Variants in CADPS observed in about 807,000 individuals in gnomAD.
The protein encoded by CADPS is calcium dependent secretion activator.
A neutral mutation model predicts 167.3 loss-of-function variants in CADPS; 57 were observed. The ratio of observed to expected loss-of-function variants is 0.34; its 90% confidence interval spans 0.28 to 0.42. The LOEUF is 0.42. Ranked by LOEUF, CADPS falls within the 20% of genes least tolerant of loss-of-function variation. The pLI is 1.00. For missense variants in CADPS, 1,414 were observed against 1,738.1 expected (o/e 0.81, Z 3.32); for synonymous variants, 676 against 635.3 (o/e 1.06, Z -0.96).
chr3:62,642,353 G>C (rs2067600127), intron 6 of CADPS, among the ~76,000 whole-genome samples: 1 of 152,310 alleles, frequency 6.6e-6, no homozygotes, highest in Middle Eastern at 3.4e-3. Flanking sequence ...GGCTAAGCTT[G>C]TCAGAGGATG....
chr3:62,583,975 C>G (rs2148571948), intron 8 of CADPS, among the ~76,000 whole-genome samples: 1 of 151,674 alleles, frequency 6.6e-6, no homozygotes, highest in South Asian at 2.1e-4. Flanking sequence ...TTGTGAATTC[C>G]CCAAACCTCT....
At chr3:62,833,183 T>C (rs1055798605) in intron 1 of CADPS, among the ~76,000 whole-genome samples, 1 of 151,956 alleles carries the variant, frequency 6.6e-6, no homozygotes, top group African/African-American at 2.4e-5. Flanking sequence ...GAGACAAGAT[T>C]TTGCTCTATT....
chr3:62,544,946 C>T lies in CADPS; in HGVS notation c.1966+4957G>A, dbSNP rs149440880. On this transcript the variant is annotated intron_variant, in intron 11 of 29. Transcript: ENST00000383710. This position sits in a 1 kb window ranked among gnomAD's most constrained non-coding sequence, Gnocchi z 4.4. The stretch of plus-strand genomic sequence containing the variant: ...CAGGAAAGCAGACAGGAGTTCTAAC[C>T]TAGCAGCCTAAGTTCTTGGGTTCGA... The T allele has an allele frequency of 3.1e-3, 2,203 of 721,746 alleles. 2 individuals carry two copies. The highest frequency in any genetic ancestry group is 4.4e-3 in the Middle Eastern group (14 of 3,188). The allele number at this position is 721,746 out of a possible 1,614,324, so 44.7% of individuals were successfully genotyped here. A position where few individuals can be genotyped will look rare whatever the true frequency, so the allele number is the denominator to read the frequency against.
intron 1 of CADPS, among the ~76,000 whole-genome samples, chr3:62,770,239 T>C (rs1576158307): frequency 6.6e-6 from 1 of 152,188 alleles, no homozygotes; most frequent in Non-Finnish European, 1.5e-5. Flanking sequence ...AGCTCTTCCC[T>C]GACCATTCCA....
intron 1 of CADPS, among the ~76,000 whole-genome samples, chr3:62,826,960 C>T (rs539959901): frequency 2.0e-5 from 3 of 152,150 alleles, no homozygotes; most frequent in South Asian, 2.1e-4. Context: ...AGCTGCCAGA[C>T]GGAATATTTA....
chr3:62,578,867 T>C (rs533585094), intron 8 of CADPS, among the ~76,000 whole-genome samples: 10 of 152,200 alleles, frequency 6.6e-5, no homozygotes, highest in South Asian at 4.1e-4. Flanking sequence ...AATGAAACAC[T>C]AAAGATATTT....
Position 62,658,180 on chromosome 3 carries a change from T to C in CADPS, c.969+4134A>G, listed in dbSNP as rs149397565. 2.3e-3 allele frequency among the ~76,000 whole-genome samples: 349 copies of C among 152,300 alleles called. 4 individuals carry two copies. The highest frequency in any genetic ancestry group is 8.0e-3 in the African/African-American group (334 of 41,568). On this transcript the variant is annotated intron_variant, in intron 4 of 29. Transcript: ENST00000383710. ...AACTCAGTTTTCTGCATAGTAGTTGTGTGCACTTGAACATGTGTACACTTC... is the reference window on the plus strand; with the variant it reads ...AACTCAGTTTTCTGCATAGTAGTTGCGTGCACTTGAACATGTGTACACTTC...
chr3:62,578,069 C>G (rs1263904211), intron 8 of CADPS, among the ~76,000 whole-genome samples: 5 of 151,348 alleles, frequency 3.3e-5, no homozygotes, highest in Non-Finnish European at 7.4e-5. Flanking sequence ...CAAGGATCTT[C>G]AAATTTGAGT....
At chr3:62,660,718 G>A (rs1164727637) in intron 4 of CADPS, among the ~76,000 whole-genome samples, 1 of 152,074 alleles carries the variant, frequency 6.6e-6, no homozygotes, top group Non-Finnish European at 1.5e-5. Flanking sequence ...TGCCCACAGG[G>A]CCTGTGAATA....
chr3:62,645,904 A>G, intron 5 of CADPS, 61 bp from the exon 6 acceptor site: 1 of 1,588,120 alleles, frequency 6.3e-7, no homozygotes, highest in Non-Finnish European at 8.6e-7. Flanking sequence ...CATCGCCCAG[A>G]GGAAAATACA....
intron 8 of CADPS, among the ~76,000 whole-genome samples, chr3:62,571,380 C>A (rs2081257926): frequency 6.6e-6 from 1 of 152,074 alleles, no homozygotes; most frequent in Non-Finnish European, 1.5e-5. Context: ...GGGAGGAATG[C>A]AGGTACATTA....
At chr3:62,589,607 G>A (rs2085462425) in intron 7 of CADPS, among the ~76,000 whole-genome samples, 2 of 152,180 alleles carry the variant, frequency 1.3e-5, no homozygotes, top group Non-Finnish European at 2.9e-5. Context: ...TACAAGAGAG[G>A]TGATGACTGT....
chr3:62,659,345 G>A (rs1190727040), intron 4 of CADPS, among the ~76,000 whole-genome samples: 1 of 152,162 alleles, frequency 6.6e-6, no homozygotes, highest in African/African-American at 2.4e-5. Context: ...TTAATATTTA[G>A]TGGAGGAGAT....
chr3:62,869,423 A>G (rs1292904348), intron 1 of CADPS, among the ~76,000 whole-genome samples: 1 of 151,914 alleles, frequency 6.6e-6, no homozygotes, highest in Non-Finnish European at 1.5e-5. Flanking sequence ...CCTAACAGTG[A>G]CTCTTTTCCA....
chr3:62,779,835 T>C (rs1431353545), intron 1 of CADPS: 6 of 238,336 alleles, frequency 2.5e-5, no homozygotes, highest in Non-Finnish European at 5.0e-5. Context: ...CAATGCAGTT[T>C]TAGAAGACTA....
chr3:62,726,807 G>GT (rs2076830528), intron 3 of CADPS, among the ~76,000 whole-genome samples: 1 of 151,924 alleles, frequency 6.6e-6, no homozygotes, highest in Non-Finnish European at 1.5e-5. Context: ...TAATGGCACA[G>GT]TAAGACTAGT....
At chr3:62,568,096 A>G (rs1446095281) in intron 9 of CADPS, among the ~76,000 whole-genome samples, 1 of 152,162 alleles carries the variant, frequency 6.6e-6, no homozygotes, top group Non-Finnish European at 1.5e-5. Flanking sequence ...TTCTCCCTTT[A>G]TGAAATTTGA....
intron 4 of CADPS, among the ~76,000 whole-genome samples, chr3:62,654,161 C>T (rs990630414): frequency 3.3e-5 from 5 of 152,138 alleles, no homozygotes; most frequent in Non-Finnish European, 7.3e-5. Flanking sequence ...CGTCAAGATG[C>T]GAGGACTTGG....
intron 1 of CADPS, among the ~76,000 whole-genome samples, chr3:62,813,944 A>T (rs2094498332): frequency 6.6e-6 from 1 of 152,148 alleles, no homozygotes; most frequent in South Asian, 2.1e-4. Flanking sequence ...GAACAAATGA[A>T]TGAATGAAAT....
Sources: gnomAD v4.1 joint callset for allele counts (sites outside exome capture counted in the v4.1 genomes callset) on GRCh38, gnomAD v4.1.1 for gene constraint, Gnocchi (gnomAD v3.1) non-coding constraint, MANE v1.5 for transcripts, NCBI Gene and HGNC (gene_info 2026-07-23, HGNC 2026-07-21) for gene names.